The following SEMA7A variants were observed in gnomAD, a reference collection of about 807,000 sequenced individuals.
SEMA7A encodes semaphorin-7A.
A neutral mutation model predicts 67.5 loss-of-function variants in SEMA7A; 21 were observed. That is an observed-to-expected ratio of 0.31 (90% CI 0.22 to 0.45). The LOEUF (loss-of-function observed/expected upper bound fraction) is 0.45. Among genes scored for constraint, SEMA7A ranks in the 20% least tolerant of loss-of-function variants. The pLI is 1.00. For synonymous variants in SEMA7A, 364 were observed against 368.5 expected, an observed-to-expected ratio of 0.99 and a Z score of 0.14; for missense variants, 774 against 908.6, an observed-to-expected ratio of 0.85 and a Z score of 1.90.
chr15:74,417,832 A>G (rs2060965161), intron 4 of SEMA7A, 45 bp downstream of exon 4: 1 of 1,593,044 alleles, frequency 6.3e-7, no homozygotes, highest in South Asian at 1.1e-5. Flanking sequence ...AAGCCCACGC[A>G]GTAGAAGGTG....
In SEMA7A at chr15:74,433,886, GGGGGCGGCA is replaced by G; in HGVS notation, c.24_32del (p.Ala9_Pro11del). ...CAGGGACGCGGGCGCGCGGTGCGCT[GGGGGCGGCA>G]CGTCCGGGCGGAGGAGGCGTCATCC... On this transcript the variant is annotated inframe_deletion, in exon 1 of 14. Coordinates refer to ENST00000261918, the MANE Select transcript of SEMA7A (RefSeq NM_003612.5). 10 of 1,269,316 alleles carry G rather than the reference GGGGGCGGCA, an allele frequency of 7.9e-6. No individual in the cohort carries two copies. Among genetic ancestry groups the G allele is most frequent in the Non-Finnish European group, 9.9e-6 (10 of 1,012,908 alleles). The allele number at this position is 1,269,316 out of a possible 1,614,324, so 78.6% of individuals were successfully genotyped here. A position where few individuals can be genotyped will look rare whatever the true frequency, so the allele number is the denominator to read the frequency against.
At chr15:74,415,652 C>T (rs2075591) in intron 8 of SEMA7A, 149 bp downstream of exon 8, 61,162 of 750,086 alleles carry the variant, frequency 0.082, 4,849 homozygotes, top group African/African-American at 0.33. Context: ...GCTGTCCCCC[C>T]ACCCCACACC....
chr15:74,418,150 G>A (rs148414538), intron 3 of SEMA7A, 118 bp downstream of exon 3: 141 of 1,195,558 alleles, frequency 1.2e-4, no homozygotes, highest in African/African-American at 2.3e-4. Context: ...AGAGGACCAC[G>A]TCTCCCCATC....
intron 1 of SEMA7A, among the ~76,000 whole-genome samples, chr15:74,429,258 G>C (rs929208177): frequency 2.0e-5 from 3 of 152,192 alleles, no homozygotes; most frequent in African/African-American, 4.8e-5. Flanking sequence ...TCAGCTAGTG[G>C]CCCATCTACT....
At position 74,410,725 on chromosome 15, in the gene SEMA7A, C is replaced by T. The variant is rs1157528766; in HGVS notation, c.1900G>A (p.Gly634Ser). 5 of 1,613,814 alleles carry T rather than the reference C, an allele frequency of 3.1e-6. No individual in the cohort carries two copies. The highest frequency in any genetic ancestry group is 4.2e-6 in the Non-Finnish European group (5 of 1,179,968). ...AQHWQLLPED[G>S]IMAEHLLGHA... ...CCCAGCAGGTGCTCGGCCATGATGC[C>T]GTCCTCGGGCAGCAGCTGCCAGTGC... is the stretch of plus-strand genomic sequence containing the variant. The change falls in exon 14 of 14, where the codon GGC becomes AGC. Residue 634 changes from glycine (G) to serine (S), a missense_variant. Gly to Ser is a moderately conservative substitution (Grantham distance 56). Around this residue, in one of 2 missense-constraint regions of SEMA7A, gnomAD observed 427 missense variants for 555.4 expected, o/e 0.77. Transcript: ENST00000261918. This position sits in a 1 kb window ranked among gnomAD's most constrained non-coding sequence, Gnocchi z 7.5.
Position 74,418,332 on chromosome 15 carries a change from A to G in SEMA7A, c.331-23T>C, listed in dbSNP as rs766975411. ...CACCTGGGGGAAGGGGAGAAGCATT[A>G]GTTCAATCTGCCAGGGGTGAGGTAC... On this transcript the variant is annotated intron_variant, in intron 2 of 13. Transcript: ENST00000261918. The G allele has an allele frequency of 1.2e-5, 20 of 1,612,132 alleles. No homozygotes were observed. In the South Asian group the frequency reaches 2.1e-4, roughly 17 times the overall value.
chr15:74,415,078 G>A, intron 8 of SEMA7A, 132 bp from the exon 9 acceptor site: 4 of 709,430 alleles, frequency 5.6e-6, no homozygotes, highest in South Asian at 4.9e-5. Context: ...TGGAGAGGAG[G>A]AAGGAGAGGA....
chr15:74,417,542 C>A, intron 5 of SEMA7A, 49 bp downstream of exon 5: 1 of 1,590,890 alleles, frequency 6.3e-7, no homozygotes. Flanking sequence ...CCTCTCCCAG[C>A]CCAGTTCAGA....
In SEMA7A at chr15:74,418,945, T is replaced by G. The variant is rs1214459701; in HGVS notation, c.186A>C (p.Val62=). ...PRIFAVWKGH[V]GQDRVDFGQT... is the part of the protein sequence containing the mutation. ...GGCCAAAGTCCACCCGGTCCTGCCCTACATGGCCTGAGGAGGAGACAATTA... is the reference window on the plus strand; with the variant it reads ...GGCCAAAGTCCACCCGGTCCTGCCCGACATGGCCTGAGGAGGAGACAATTA... The change falls in exon 2 of 14, where the codon GTA becomes GTC. Residue 62 remains valine, a synonymous_variant. Coordinates refer to ENST00000261918, the MANE Select transcript of SEMA7A (RefSeq NM_003612.5). 1 of 1,613,242 alleles carries G rather than the reference T, an allele frequency of 6.2e-7. No individual in the cohort carries two copies. The highest frequency in any genetic ancestry group is 1.3e-5 in the African/African-American group (1 of 75,044).
At chr15:74,433,399 C>T (rs1337013647) in intron 1 of SEMA7A, among the ~76,000 whole-genome samples, 2 of 151,998 alleles carry the variant, frequency 1.3e-5, no homozygotes, top group African/African-American at 2.4e-5. Flanking sequence ...GCCGAAGCCC[C>T]CGAGCCAGAG....
At chr15:74,425,780 A>T (rs946257929) in intron 1 of SEMA7A, among the ~76,000 whole-genome samples, 3 of 152,178 alleles carry the variant, frequency 2.0e-5, no homozygotes, top group African/African-American at 4.8e-5. Context: ...CCATGTGCTC[A>T]ATCCAGATAT....
chr15:74,430,100 C>T (rs1460172686), intron 1 of SEMA7A, among the ~76,000 whole-genome samples: 1 of 152,178 alleles, frequency 6.6e-6, no homozygotes, highest in Non-Finnish European at 1.5e-5. Flanking sequence ...GATCCCCAAG[C>T]TCATCCCCAA....
At chr15:74,419,889 G>A (rs912273499) in intron 1 of SEMA7A, among the ~76,000 whole-genome samples, 5 of 152,182 alleles carry the variant, frequency 3.3e-5, no homozygotes, top group African/African-American at 1.2e-4. Context: ...CTCTGGGGAG[G>A]TGTCTCATCT....
intron 7 of SEMA7A, among the ~76,000 whole-genome samples, 165 bp downstream of exon 7, chr15:74,416,410 G>A (rs1490316944): frequency 6.6e-6 from 1 of 151,798 alleles, no homozygotes; most frequent in East Asian, 1.9e-4. Context: ...CCCACACACA[G>A]ACACATGATG....
At chr15:74,428,082 G>A (rs545476217) in intron 1 of SEMA7A, among the ~76,000 whole-genome samples, 5 of 152,236 alleles carry the variant, frequency 3.3e-5, no homozygotes, top group African/African-American at 4.8e-5. Context: ...AGCCCGAGCC[G>A]GGACACAGAT....
rs184989487 is a variant in SEMA7A, at chr15:74,429,738, T to C, written c.178+4003A>G. Among the ~76,000 whole-genome samples the C allele has an allele frequency of 4.8e-3, 732 of 152,226 alleles. 2 individuals carry two copies. Among genetic ancestry groups the C allele is most frequent in the Non-Finnish European group, 6.9e-3 (471 of 68,018 alleles). On this transcript the variant is annotated intron_variant, in intron 1 of 13. Coordinates refer to ENST00000261918, the MANE Select transcript of SEMA7A (RefSeq NM_003612.5). ...TGCCCATCTGGACAAGTTTCAAACTTTTCGGGAGCCCCCAGGCCCAGGCTG... is the reference window on the plus strand; with the variant it reads ...TGCCCATCTGGACAAGTTTCAAACTCTTCGGGAGCCCCCAGGCCCAGGCTG...
intron 3 of SEMA7A, 70 bp from the exon 4 acceptor site, chr15:74,418,039 A>AC (rs1445805444): frequency 1.3e-6 from 2 of 1,527,890 alleles, no homozygotes; most frequent in Non-Finnish European, 1.8e-6. Context: ...TAGCACTAGG[A>AC]CCCCCAGGAT....
chr15:74,410,953 G>C lies in SEMA7A; in HGVS notation c.1672C>G (p.Pro558Ala), dbSNP rs768771594. ...CAGCTCAGGTAGTAGCGAGAGTTTGGGGCCAGGGAAACCTTCTGCAGTGGG... is the reference window on the plus strand; with the variant it reads ...CAGCTCAGGTAGTAGCGAGAGTTTGCGGCCAGGGAAACCTTCTGCAGTGGG... The part of the protein sequence containing the change: ...KAPLQKVSLA[P>A]NSRYYLSCPM... Residue 558 changes from proline (P) to alanine (A), a missense_variant, in exon 14 of 14, where the codon CCA becomes GCA. Around this residue, in one of 2 missense-constraint regions of SEMA7A, gnomAD observed 427 missense variants for 555.4 expected, o/e 0.77. Coordinates refer to ENST00000261918, the MANE Select transcript of SEMA7A (RefSeq NM_003612.5). The surrounding 1 kb of genome is among the most constrained non-coding windows in gnomAD (Gnocchi z 7.5). The C allele has an allele frequency of 1.2e-6, 2 of 1,613,886 alleles. No homozygotes were observed. The highest frequency in any genetic ancestry group is 1.7e-6 in the Non-Finnish European group (2 of 1,179,954).
Position 74,415,986 on chromosome 15 carries a change from CT to C in SEMA7A, c.802-2del. 1 of 1,613,816 alleles carries C rather than the reference CT, an allele frequency of 6.2e-7. No homozygotes were observed. Among genetic ancestry groups the C allele is most frequent in the Non-Finnish European group, 8.5e-7 (1 of 1,179,804 alleles). On this transcript the variant is annotated splice_acceptor_variant, in intron 7 of 13. Transcript: ENST00000261918. LOFTEE classifies it high-confidence loss of function. Reference sequence around the variant, plus strand: ...GTGAACTTTCCCCACCCTGGTCCCCCTGGAAGGGTAGAGGGGAGAAGAGGCC... The same window carrying C: ...GTGAACTTTCCCCACCCTGGTCCCCCGGAAGGGTAGAGGGGAGAAGAGGCC...
Sources: allele counts gnomAD v4.1 joint callset (sites outside exome capture counted in the v4.1 genomes callset), GRCh38; gene constraint gnomAD v4.1.1; regional missense constraint gnomAD v4.1.1; non-coding constraint Gnocchi (gnomAD v3.1); transcripts MANE v1.5; gene names NCBI Gene and HGNC (gene_info 2026-07-23, HGNC 2026-07-21).